The following DPCD variants were observed in gnomAD, a reference collection of about 807,000 sequenced individuals.
DPCD encodes deleted in primary ciliary dyskinesia homolog (mouse), also known as protein DPCD.
In DPCD, 20 loss-of-function variants were observed where a neutral mutation model predicts 26.4. The observed-to-expected ratio is 0.76, with a 90% CI of 0.53 to 1.10. The LOEUF is 1.10. Ranked by LOEUF, DPCD falls within the 50% of genes least tolerant of loss-of-function variation. The pLI is 0.00. For missense variants in DPCD, 202 were observed against 253.9 expected (o/e 0.80, Z 1.39); for synonymous variants, 97 against 94.2 (o/e 1.03, Z -0.17).
intron 1 of DPCD, among the ~76,000 whole-genome samples, chr10:101,591,679 T>G (rs917640990): frequency 6.6e-6 from 1 of 152,102 alleles, no homozygotes; most frequent in African/African-American, 2.4e-5. Flanking sequence ...ACCCAGATAA[T>G]CATAATTTAC....
At chr10:101,594,235 G>A (rs538465125) in intron 1 of DPCD, among the ~76,000 whole-genome samples, 13 of 152,268 alleles carry the variant, frequency 8.5e-5, no homozygotes, top group Admixed American at 2.6e-4. Flanking sequence ...AAGTATCATG[G>A]TATGTAGTAA....
intron 2 of DPCD, among the ~76,000 whole-genome samples, chr10:101,599,643 G>A (rs2063677804): frequency 6.6e-6 from 1 of 152,204 alleles, no homozygotes; most frequent in Non-Finnish European, 1.5e-5. Context: ...AAGGTCTAAA[G>A]TAAAACCGCC....
intron 5 of DPCD, 150 bp downstream of exon 5, chr10:101,609,087 G>GA (rs2063754403): frequency 1.4e-6 from 1 of 719,024 alleles, no homozygotes; most frequent in Non-Finnish European, 2.4e-6. Context: ...CAGCATGGGG[G>GA]AGAGCAGGGA....
In DPCD at chr10:101,608,904, C is replaced by T. The variant is rs61874047; in HGVS notation, c.474C>T (p.Ser158=). 6.2e-7 allele frequency: 1 copy of T among 1,613,766 alleles called. No individual in the cohort carries two copies. The highest frequency in any genetic ancestry group is 8.5e-7 in the Non-Finnish European group (1 of 1,179,940). The change falls in exon 5 of 6, where the codon AGC becomes AGT. Residue 158 remains serine, a synonymous_variant. Transcript: ENST00000370151. ...TACCTCTGGATGACGCCTTGCTGAG[C>T]TTTGCCCACGCCAACTGCACCCTGA... ...HQLPLDDALL[S]FAHANCTLII...
chr10:101,590,713 G>A (rs1356760850), intron 1 of DPCD, among the ~76,000 whole-genome samples: 1 of 151,494 alleles, frequency 6.6e-6, no homozygotes, highest in African/African-American at 2.4e-5. Flanking sequence ...TGAATAGCTG[G>A]GACTACAGGC....
chr10:101,588,365 T>TGCG lies in DPCD; in HGVS notation c.31_33dup (p.Arg11dup). On this transcript the variant is annotated inframe_insertion, in exon 1 of 6. Transcript: ENST00000370151. ...GCGGTGACGGGCTGGTTGGAGAGTC[T>TGCG]GCGGACAGCCCAGAAGACTGCGCTG... 6.3e-7 allele frequency: 1 copy of TGCG among 1,599,522 alleles called. No homozygotes were observed. Among genetic ancestry groups the TGCG allele is most frequent in the Non-Finnish European group, 8.5e-7 (1 of 1,171,170 alleles).
At position 101,601,353 on chromosome 10, in the gene DPCD, G is replaced by T; in HGVS notation, c.404+17G>T. 6.2e-7 allele frequency: 1 copy of T among 1,612,996 alleles called. No homozygotes were observed. The highest frequency in any genetic ancestry group is 8.5e-7 in the Non-Finnish European group (1 of 1,179,442). ...CAACAAGAAGTGAGTAGCGTGGAAG[G>T]CACCCTGTGTGCTTGTGTATGAGCG... On this transcript the variant is annotated intron_variant, in intron 4 of 5. Coordinates refer to ENST00000370151, the MANE Select transcript of DPCD (RefSeq NM_015448.3).
intron 4 of DPCD, chr10:101,605,108 T>G: frequency 1.3e-6 from 2 of 1,550,488 alleles, no homozygotes; most frequent in Non-Finnish European, 1.7e-6. Context: ...AGCCTTGATG[T>G]TTAAGAAGAT....
At position 101,609,559 on chromosome 10, in the gene DPCD, T is replaced by C. The variant is rs2063761703; in HGVS notation, c.*88T>C. The C allele has an allele frequency of 8.6e-7, 1 of 1,166,568 alleles. No homozygotes were observed. The highest frequency in any genetic ancestry group is 2.2e-5 in the Admixed American group (1 of 46,164). The allele number at this position is 1,166,568 out of a possible 1,614,324, so 72.3% of individuals were successfully genotyped here. On this transcript the variant is annotated 3_prime_UTR_variant, in exon 6 of 6. Transcript: ENST00000370151. ...TCTTGACCACGGCAGCCTCCTGTCTTCTAGGAGCTATCAAGGGTCTCTAAG... is the reference window on the plus strand; with the variant it reads ...TCTTGACCACGGCAGCCTCCTGTCTCCTAGGAGCTATCAAGGGTCTCTAAG...
At chr10:101,606,242 A>G (rs1589729420) in intron 4 of DPCD, among the ~76,000 whole-genome samples, 1 of 151,910 alleles carries the variant, frequency 6.6e-6, no homozygotes, top group Non-Finnish European at 1.5e-5. Flanking sequence ...GCTCACTGCA[A>G]CCTCCGCCCC....
At chr10:101,592,628 G>A (rs1042097289) in intron 1 of DPCD, among the ~76,000 whole-genome samples, 6 of 152,010 alleles carry the variant, frequency 3.9e-5, no homozygotes, top group African/African-American at 1.5e-4. Context: ...GTCTGAGGTG[G>A]AGGATCACTT....
Position 101,600,987 on chromosome 10 carries a change from G to A in DPCD, c.270+125G>A. The A allele has an allele frequency of 2.0e-6, 3 of 1,510,826 alleles. No homozygotes were observed. The highest frequency in any genetic ancestry group is 2.7e-6 in the Non-Finnish European group (3 of 1,122,374). 93.6% of individuals were successfully genotyped at this position (1,510,826 alleles called of 1,614,324 possible). ...GCCTCCAGTGTGCCACCTGGACACA[G>A]CACTCTATAAATGTTTGTTTGAATG... On this transcript the variant is annotated intron_variant, in intron 3 of 5. Transcript: ENST00000370151. This position sits in a 1 kb window ranked among gnomAD's most constrained non-coding sequence, Gnocchi z 4.7.
At chr10:101,589,221 T>A (rs2063552656) in intron 1 of DPCD, among the ~76,000 whole-genome samples, 1 of 152,208 alleles carries the variant, frequency 6.6e-6, no homozygotes, top group Non-Finnish European at 1.5e-5. Context: ...TACTCGTTCG[T>A]GCAACATTTA....
chr10:101,594,947 C>G (rs1564891727), intron 2 of DPCD, among the ~76,000 whole-genome samples: 1 of 152,208 alleles, frequency 6.6e-6, no homozygotes, highest in East Asian at 1.9e-4. Flanking sequence ...AAATTCATCC[C>G]CACCCCTCAC....
At chr10:101,592,649 G>A (rs1261506932) in intron 1 of DPCD, among the ~76,000 whole-genome samples, 5 of 150,326 alleles carry the variant, frequency 3.3e-5, no homozygotes, top group Non-Finnish European at 1.5e-5. Flanking sequence ...GAGCCCAGGA[G>A]GCAGAGGTTG....
At position 101,590,062 on chromosome 10, in the gene DPCD, G is replaced by GAA. The variant is rs1564889361; in HGVS notation, c.64+1662_64+1663insAA. ...AGCGAGACCCTGTCTCAAAAAAACT[G>GAA]GAAAAAAAAAAAAAAAAAAGAATTA... On this transcript the variant is annotated intron_variant, in intron 1 of 5. Transcript: ENST00000370151. Among the ~76,000 whole-genome samples the GAA allele has an allele frequency of 2.6e-3, 292 of 113,840 alleles. 7 individuals are homozygous for GAA. Among genetic ancestry groups the GAA allele is most frequent in the African/African-American group, 7.1e-3 (224 of 31,642 alleles). 74.7% of individuals were successfully genotyped at this position (113,840 alleles called of 152,430 possible).
chr10:101,608,813 T>C lies in DPCD; in HGVS notation c.405-22T>C, dbSNP rs1216479029. 4 of 1,568,472 alleles carry C rather than the reference T, an allele frequency of 2.6e-6. No homozygotes were observed. The African/African-American group carries it at 5.4e-5, about 21-fold the overall frequency. On this transcript the variant is annotated intron_variant, in intron 4 of 5. Coordinates refer to ENST00000370151, the MANE Select transcript of DPCD (RefSeq NM_015448.3). Reference sequence around the variant, plus strand: ...TGGGTCACCTTGCCGAGTGCCCCAATGGCCTCTCGGTGTCCCCACAGGTAC... The same window carrying C: ...TGGGTCACCTTGCCGAGTGCCCCAACGGCCTCTCGGTGTCCCCACAGGTAC...
intron 4 of DPCD, among the ~76,000 whole-genome samples, chr10:101,606,532 G>A (rs759380166): frequency 9.2e-5 from 14 of 152,250 alleles, no homozygotes; most frequent in Middle Eastern, 3.4e-3. Context: ...GCCCAGGCTG[G>A]TCTTGAACTC....
Position 101,609,603 on chromosome 10 carries a change from C to T in DPCD, c.*132C>T. ...CTCTAAGAACTGGGCATGGGGCACT[C>T]CTAGCCAGTGAGTCATGGTCATATT... is the stretch of plus-strand genomic sequence containing the variant. On this transcript the variant is annotated 3_prime_UTR_variant, in exon 6 of 6. Coordinates refer to ENST00000370151, the MANE Select transcript of DPCD (RefSeq NM_015448.3). The T allele has an allele frequency of 1.4e-6, 1 of 690,610 alleles. No individual in the cohort carries two copies. Among genetic ancestry groups the T allele is most frequent in the Non-Finnish European group, 2.5e-6 (1 of 406,668 alleles). 42.8% of individuals were successfully genotyped at this position (690,610 alleles called of 1,614,324 possible).
Sources: allele counts gnomAD v4.1 joint callset (sites outside exome capture counted in the v4.1 genomes callset), GRCh38; gene constraint gnomAD v4.1.1; non-coding constraint Gnocchi (gnomAD v3.1); transcripts MANE v1.5; gene names NCBI Gene and HGNC (gene_info 2026-07-23, HGNC 2026-07-21).